The following MYLK variants were observed in gnomAD, a reference collection of about 807,000 sequenced individuals.
MYLK encodes myosin light chain kinase.
In MYLK, 106 loss-of-function variants were observed where a neutral mutation model predicts 203.4. The observed-to-expected ratio is 0.52, with a 90% CI of 0.45 to 0.61. MYLK has a LOEUF of 0.61. Among genes scored for constraint, MYLK ranks in the 20% least tolerant of loss-of-function variants. MYLK has a pLI of 0.00. For synonymous variants in MYLK, 867 were observed against 959.5 expected (o/e 0.90, Z 1.78); for missense variants, 2,072 against 2,442.3 (o/e 0.85, Z 3.20).
intron 3 of MYLK, among the ~76,000 whole-genome samples, chr3:123,794,256 C>A (rs1258832438): frequency 6.6e-6 from 1 of 152,214 alleles, no homozygotes; most frequent in African/African-American, 2.4e-5. Context: ...GCACTTCTGG[C>A]AGAAAGTAGA....
chr3:123,854,533 T>A (rs2031173963), intron 2 of MYLK, among the ~76,000 whole-genome samples: 1 of 152,116 alleles, frequency 6.6e-6, no homozygotes, highest in African/African-American at 2.4e-5. Context: ...ATTGTACATA[T>A]TTTCTCACTG....
Position 123,733,935 on chromosome 3 carries a change from G to T in MYLK, c.1061C>A (p.Pro354Gln). The T allele has an allele frequency of 3.1e-6, 5 of 1,614,190 alleles. No homozygotes were observed. Among genetic ancestry groups the T allele is most frequent in the Non-Finnish European group, 4.2e-6 (5 of 1,180,044 alleles). ...CCCCAGGCCTGGTGCTCTTGGTTCCGGCTGAACTCTTGCGGCCTGCAGGGT... is the reference window on the plus strand; with the variant it reads ...CCCCAGGCCTGGTGCTCTTGGTTCCTGCTGAACTCTTGCGGCCTGCAGGGT... Reference protein sequence around the residue: ...SITLQAARVQPEPRAPGLGVL... With the variant: ...SITLQAARVQQEPRAPGLGVL... Residue 354 changes from proline to glutamine, a missense_variant, in exon 10 of 34, where the codon CCG (proline) becomes CAG (glutamine). Pro to Gln is a moderately conservative substitution (Grantham distance 76). Transcript: ENST00000360304.
intron 2 of MYLK, among the ~76,000 whole-genome samples, chr3:123,840,945 G>A (rs944311261): frequency 2.0e-5 from 3 of 152,058 alleles, no homozygotes; most frequent in Non-Finnish European, 4.4e-5. Flanking sequence ...GGATCCAGAA[G>A]TCCTCTTATG....
intron 2 of MYLK, among the ~76,000 whole-genome samples, chr3:123,840,736 G>GT (rs1156765551): frequency 6.6e-6 from 1 of 152,102 alleles, no homozygotes; most frequent in South Asian, 2.1e-4. Context: ...TCCTGAAAAT[G>GT]TAAGGCTGGT....
At chr3:123,857,027 C>T (rs545603157) in intron 2 of MYLK, among the ~76,000 whole-genome samples, 3,072 of 152,160 alleles carry the variant, frequency 0.02, 114 homozygotes, top group African/African-American at 0.069. Context: ...ATTTATGCAG[C>T]CAAAAAACAC....
At chr3:123,767,054 G>A (rs1307351305) in intron 4 of MYLK, among the ~76,000 whole-genome samples, 2 of 152,200 alleles carry the variant, frequency 1.3e-5, no homozygotes, top group Non-Finnish European at 2.9e-5. Context: ...TGGAAAAATG[G>A]AGGGAAAAGC....
rs144925451 is a variant in MYLK at position 123,845,887 on chromosome 3, A to G, written c.-126-14217T>C. 2.6e-3 allele frequency among the ~76,000 whole-genome samples: 399 copies of G among 152,322 alleles called. 7 individuals are homozygous for G. Among genetic ancestry groups the G allele is most frequent in the Admixed American group, 5.2e-3 (80 of 15,290 alleles). On this transcript the variant is annotated intron_variant, in intron 2 of 33. Transcript: ENST00000360304. ...AATAAATGTTTTATTTGGGAATAAC[A>G]TTATATTCTTAGAAAAATTTCAGAC...
intron 12 of MYLK, among the ~76,000 whole-genome samples, chr3:123,723,805 T>C (rs1040203612): frequency 7.9e-5 from 12 of 152,252 alleles, no homozygotes; most frequent in Admixed American, 5.9e-4. Context: ...TCTTGAGTGA[T>C]GTATAAACTA....
At chr3:123,681,324 C>T (rs1264803294) in intron 20 of MYLK, 2 of 152,150 alleles carry the variant, frequency 1.3e-5, no homozygotes, top group Admixed American at 6.5e-5. Flanking sequence ...GCTTTTTATA[C>T]CACACTGCGA....
intron 4 of MYLK, 111 bp downstream of exon 4, chr3:123,793,566 A>T: frequency 7.9e-7 from 1 of 1,266,586 alleles, no homozygotes; most frequent in Non-Finnish European, 1.1e-6. Context: ...AAGGTCCAAA[A>T]GAAAATTGAG....
intron 29 of MYLK, among the ~76,000 whole-genome samples, chr3:123,633,033 C>A (rs1488486476): frequency 6.6e-6 from 1 of 151,988 alleles, no homozygotes; most frequent in East Asian, 1.9e-4. Flanking sequence ...TGAGCTTAAG[C>A]AATCCTCCCA....
chr3:123,855,110 A>G (rs2031234783), intron 2 of MYLK, among the ~76,000 whole-genome samples: 1 of 151,996 alleles, frequency 6.6e-6, no homozygotes, highest in Non-Finnish European at 1.5e-5. Context: ...ATTAGGAGAC[A>G]CTTTTGTTCT....
intron 12 of MYLK, among the ~76,000 whole-genome samples, chr3:123,722,630 T>A (rs543682337): frequency 6.6e-6 from 1 of 152,248 alleles, no homozygotes; most frequent in African/African-American, 2.4e-5. Context: ...CAAATCCACA[T>A]CCTCAACTTC....
intron 4 of MYLK, among the ~76,000 whole-genome samples, chr3:123,773,731 T>A: frequency 6.6e-6 from 1 of 152,202 alleles, no homozygotes; most frequent in East Asian, 1.9e-4. Context: ...AGTATCCTCA[T>A]TCTCTAGCTG....
rs544688467 is a variant in MYLK, at chr3:123,629,095, T to C, written c.5114+379A>G. 3.9e-5 allele frequency among the ~76,000 whole-genome samples: 6 copies of C among 151,984 alleles called. No individual in the cohort carries two copies. The highest frequency in any genetic ancestry group is 3.4e-3 in the Middle Eastern group (1 of 294). ...CCTCTGCTCTTGCTTGTTGAGAGGG[T>C]CCTTCCCCTGCAGCCCCTGAAGAGG... On this transcript the variant is annotated intron_variant, in intron 30 of 33. Transcript: ENST00000360304. The surrounding 1 kb of genome is among the most constrained non-coding windows in gnomAD (Gnocchi z 4.4).
At chr3:123,707,101 T>C (rs1283584281) in intron 16 of MYLK, among the ~76,000 whole-genome samples, 1 of 152,166 alleles carries the variant, frequency 6.6e-6, no homozygotes, top group South Asian at 2.1e-4. Flanking sequence ...CCAGCTGCCA[T>C]GCTAAAAAAG....
At chr3:123,708,673 C>G in intron 15 of MYLK, 25 bp downstream of exon 15, 1 of 1,613,770 alleles carries the variant, frequency 6.2e-7, no homozygotes. Context: ...CTCCTTCCCA[C>G]TCGCTCTGAG....
In MYLK at chr3:123,708,969, G is replaced by A. The variant is rs751113343; in HGVS notation, c.1943-74C>T. On this transcript the variant is annotated intron_variant, in intron 14 of 33. Transcript: ENST00000360304. ...GCCATGCAGCAACTCTGCGCTGAAT[G>A]CAGTGATATTGGATGAAACACTCCA... 9 of 1,301,878 alleles carry A rather than the reference G, an allele frequency of 6.9e-6. No homozygotes were observed. In the South Asian group the frequency reaches 8.6e-5, roughly 12 times the overall value. 80.6% of individuals were successfully genotyped at this position (1,301,878 alleles called of 1,614,324 possible).
At chr3:123,675,100 G>A (rs925796970) in intron 20 of MYLK, among the ~76,000 whole-genome samples, 2 of 152,270 alleles carry the variant, frequency 1.3e-5, no homozygotes, top group African/African-American at 4.8e-5. Context: ...CACTGATGCT[G>A]AGAAATATAG....
Sources: gnomAD v4.1 joint callset for allele counts (sites outside exome capture counted in the v4.1 genomes callset) on GRCh38, gnomAD v4.1.1 for gene constraint, Gnocchi (gnomAD v3.1) non-coding constraint, MANE v1.5 for transcripts, NCBI Gene and HGNC (gene_info 2026-07-23, HGNC 2026-07-21) for gene names.